ACSS3: variants seen among roughly 807,000 people sequenced by gnomAD.
ACSS3 encodes acyl-CoA synthetase short chain family member 3.
A neutral mutation model predicts 84.2 loss-of-function variants in ACSS3; 64 were observed. The ratio of observed to expected loss-of-function variants is 0.76; its 90% CI spans 0.62 to 0.94. The LOEUF is 0.94. ACSS3 is among the 40% of genes least tolerant of loss of function. The pLI is 0.00. For synonymous variants in ACSS3, 317 were observed against 310.1 expected (o/e 1.02, Z -0.23); for missense variants, 815 against 867.6 (o/e 0.94, Z 0.76).
At chr12:81,215,340 A>G (rs17008254) in intron 9 of ACSS3, among the ~76,000 whole-genome samples, 6,971 of 152,208 alleles carry the variant, frequency 0.046, 250 homozygotes, top group African/African-American at 0.091. Flanking sequence ...AGCAGTGACC[A>G]TATGGCTTAG....
At chr12:81,103,625 G>A (rs1882712811) in intron 1 of ACSS3, among the ~76,000 whole-genome samples, 1 of 151,930 alleles carries the variant, frequency 6.6e-6, no homozygotes, top group South Asian at 2.1e-4. Context: ...GCAGTTCTGT[G>A]TAACATTGCC....
chr12:81,143,490 T>A, intron 5 of ACSS3: 1 of 285,746 alleles, frequency 3.5e-6, no homozygotes, highest in Admixed American at 5.2e-5. Context: ...ATTTATTATT[T>A]AACATCAAAT....
intron 2 of ACSS3, among the ~76,000 whole-genome samples, chr12:81,129,039 G>T (rs750251342): frequency 2.0e-5 from 3 of 152,144 alleles, no homozygotes; most frequent in Non-Finnish European, 4.4e-5. Context: ...TAAACCTTTT[G>T]TCTGTAGACC....
intron 11 of ACSS3, among the ~76,000 whole-genome samples, chr12:81,221,167 T>G (rs2033093163): frequency 6.6e-6 from 1 of 152,128 alleles, no homozygotes; most frequent in South Asian, 2.1e-4. Flanking sequence ...GAAATGGAAG[T>G]TGATTAAGTT....
At chr12:81,144,684 A>G in intron 5 of ACSS3, among the ~76,000 whole-genome samples, 1 of 152,142 alleles carries the variant, frequency 6.6e-6, no homozygotes, top group East Asian at 1.9e-4. Context: ...AAATCTTATA[A>G]AAACATTTGT....
At chr12:81,145,882 T>C (rs1424063538) in intron 5 of ACSS3, among the ~76,000 whole-genome samples, 1 of 152,152 alleles carries the variant, frequency 6.6e-6, no homozygotes, top group Admixed American at 6.5e-5. Flanking sequence ...GGACTGGTGA[T>C]TAAATTGTGT....
At chr12:81,114,192 A>T (rs928728096) in intron 2 of ACSS3, among the ~76,000 whole-genome samples, 1 of 152,146 alleles carries the variant, frequency 6.6e-6, no homozygotes, top group Admixed American at 6.6e-5. Context: ...TGATAAAACC[A>T]ATTATGTGTT....
intron 8 of ACSS3, among the ~76,000 whole-genome samples, chr12:81,196,452 A>G (rs2031832863): frequency 6.6e-6 from 1 of 152,192 alleles, no homozygotes; most frequent in South Asian, 2.1e-4. Flanking sequence ...AATAAAATAT[A>G]TTATTAGAGC....
At chr12:81,081,008 C>G (rs1434787068) in intron 1 of ACSS3, among the ~76,000 whole-genome samples, 1 of 152,172 alleles carries the variant, frequency 6.6e-6, no homozygotes. Context: ...GCTAATTGTT[C>G]TCTCCTCTGT....
intron 1 of ACSS3, among the ~76,000 whole-genome samples, chr12:81,106,418 C>T (rs1443557928): frequency 6.6e-6 from 1 of 152,096 alleles, no homozygotes; most frequent in Admixed American, 6.6e-5. Context: ...CCCACTGATT[C>T]TACATTATGG....
chr12:81,163,560 C>T lies in ACSS3; in HGVS notation c.1099-11228C>T, dbSNP rs142322689. On this transcript the variant is annotated intron_variant, in intron 7 of 15. Coordinates refer to ENST00000548058, the MANE Select transcript of ACSS3 (RefSeq NM_024560.4). ...ACTCCTACATATTAAAAAAGGTTAA[C>T]TCTAAAACAGTCTCAGACAGATCCT... 2.1e-3 allele frequency among the ~76,000 whole-genome samples: 323 copies of T among 152,264 alleles called. 1 individual carries two copies. Among genetic ancestry groups the T allele is most frequent in the African/African-American group, 7.1e-3 (295 of 41,544 alleles).
intron 1 of ACSS3, among the ~76,000 whole-genome samples, chr12:81,083,595 C>T (rs1430147221): frequency 1.3e-5 from 2 of 151,740 alleles, no homozygotes; most frequent in Admixed American, 6.6e-5. Context: ...CTCCTGACCT[C>T]GTGATCCGCT....
At chr12:81,189,479 T>G (rs764393040) in intron 8 of ACSS3, among the ~76,000 whole-genome samples, 2 of 152,166 alleles carry the variant, frequency 1.3e-5, no homozygotes, top group African/African-American at 2.4e-5. Flanking sequence ...GATCACCTTT[T>G]AATAATTTTT....
intron 11 of ACSS3, among the ~76,000 whole-genome samples, chr12:81,230,685 A>C (rs1426881679): frequency 1.3e-5 from 2 of 151,748 alleles, no homozygotes; most frequent in Non-Finnish European, 2.9e-5. Context: ...TTCAAAAAAT[A>C]AATTAACTTT....
At chr12:81,091,227 G>A (rs1593025006) in intron 1 of ACSS3, among the ~76,000 whole-genome samples, 1 of 151,874 alleles carries the variant, frequency 6.6e-6, no homozygotes. Context: ...GAGTTGGGTT[G>A]ATATTATGTT....
intron 1 of ACSS3, among the ~76,000 whole-genome samples, chr12:81,087,598 G>A (rs544083958): frequency 6.6e-6 from 1 of 152,188 alleles, no homozygotes; most frequent in African/African-American, 2.4e-5. Context: ...TCTAATGAGT[G>A]CATGGGAGCT....
chr12:81,177,525 C>G (rs954781205), intron 8 of ACSS3, among the ~76,000 whole-genome samples: 13 of 152,098 alleles, frequency 8.5e-5, no homozygotes, highest in African/African-American at 3.1e-4. Context: ...AGTGAACAGG[C>G]AACCCACAAA....
intron 8 of ACSS3, among the ~76,000 whole-genome samples, chr12:81,195,422 C>G (rs2031779801): frequency 6.6e-6 from 1 of 151,934 alleles, no homozygotes; most frequent in South Asian, 2.1e-4. Flanking sequence ...CTTTAACCTA[C>G]TTTTAATAAT....
rs978630883 is a variant in ACSS3 at position 81,143,171 on chromosome 12, C to G, written c.845C>G (p.Ser282Ter). 1.2e-6 allele frequency: 2 copies of G among 1,613,684 alleles called. No homozygotes were observed. The highest frequency in any genetic ancestry group is 2.7e-5 in the African/African-American group (2 of 74,936). ...DWDEEMAKAQ[S>*]HDCVPVLSEH... ...GATGAAGAGATGGCAAAAGCCCAGT[C>G]ACATGACTGTGTTCCTGTTCTTTCA... is the stretch of plus-strand genomic sequence containing the variant. Residue 282 changes from serine to a stop codon, truncating the protein, a stop_gained, in exon 5 of 16, where the codon TCA (serine) becomes TGA (stop). Coordinates refer to ENST00000548058, the MANE Select transcript of ACSS3 (RefSeq NM_024560.4). LOFTEE classifies it high-confidence loss of function.
Sources: allele counts gnomAD v4.1 joint callset (sites outside exome capture counted in the v4.1 genomes callset), GRCh38; gene constraint gnomAD v4.1.1; transcripts MANE v1.5; gene names NCBI Gene and HGNC (gene_info 2026-07-23, HGNC 2026-07-21).